Variants in CLYBL observed in about 807,000 individuals in gnomAD.
CLYBL encodes the protein citramalyl-CoA lyase, also known as citramalyl-CoA lyase, mitochondrial.
In CLYBL, 31 loss-of-function variants were observed where a neutral mutation model predicts 38.9. The ratio of observed to expected loss-of-function variants is 0.80; its 90% CI spans 0.60 to 1.08. CLYBL has a LOEUF of 1.08. Among genes scored for constraint, CLYBL ranks in the 50% least tolerant of loss-of-function variants. The pLI, the probability that CLYBL is intolerant of heterozygous loss-of-function variation, is 0.00. For synonymous variants in CLYBL, 171 were observed against 158.6 expected (o/e 1.08, Z -0.59); for missense variants, 434 against 411.6 (o/e 1.05, Z -0.47).
Position 99,871,111 on chromosome 13 carries a change from T to C in CLYBL, c.927+49T>C, listed in dbSNP as rs530097999. 8 of 1,600,388 alleles carry C rather than the reference T, an allele frequency of 5.0e-6. No homozygotes were observed. In the African/African-American group the frequency reaches 6.7e-5, roughly 13 times the overall value. On this transcript the variant is annotated intron_variant, in intron 7 of 8. Transcript: ENST00000339105. ...GGTGAGAGCAGTATTGAAAATATTGTCGGGAAGAATGAAACAAATATGTTG... is the reference window on the plus strand; with the variant it reads ...GGTGAGAGCAGTATTGAAAATATTGCCGGGAAGAATGAAACAAATATGTTG...
intron 1 of CLYBL, 126 bp downstream of exon 1, chr13:99,606,883 C>A: frequency 1.6e-6 from 2 of 1,265,426 alleles, no homozygotes; most frequent in South Asian, 2.8e-5. Flanking sequence ...ACGGAAGCAC[C>A]ATGCGCCTCC....
chr13:99,697,370 G>A (rs1048977664), intron 1 of CLYBL, among the ~76,000 whole-genome samples: 1 of 152,060 alleles, frequency 6.6e-6, no homozygotes, highest in Non-Finnish European at 1.5e-5. Context: ...TATCCCACAG[G>A]CTTTTTATTA....
intron 2 of CLYBL, among the ~76,000 whole-genome samples, chr13:99,801,882 G>T (rs1430843739): frequency 6.6e-6 from 1 of 152,160 alleles, no homozygotes; most frequent in Non-Finnish European, 1.5e-5. Flanking sequence ...CAGGCATGGT[G>T]GCGCATGCCT....
chr13:99,821,281 G>A lies in CLYBL; in HGVS notation c.250-37580G>A, dbSNP rs140245325. On this transcript the variant is annotated intron_variant, in intron 2 of 8. Transcript: ENST00000339105. ...GATGTCTATATTTATCGGTATCCTC[G>A]ACTTGGCTTTGAGCATCATAAGATC... Among the ~76,000 whole-genome samples the A allele has an allele frequency of 1.4e-3, 218 of 152,222 alleles. 2 individuals are homozygous for A. Among genetic ancestry groups the A allele is most frequent in the African/African-American group, 4.5e-3 (188 of 41,522 alleles).
chr13:99,785,871 C>T (rs1208343114), intron 2 of CLYBL, among the ~76,000 whole-genome samples: 2 of 152,156 alleles, frequency 1.3e-5, no homozygotes, highest in Admixed American at 1.3e-4. Context: ...GCTGGGATTA[C>T]AGGCGTGAGC....
At chr13:99,736,133 C>G (rs1451270838) in intron 1 of CLYBL, among the ~76,000 whole-genome samples, 1 of 148,606 alleles carries the variant, frequency 6.7e-6, no homozygotes, top group Non-Finnish European at 1.5e-5. Flanking sequence ...CAACCTCTGC[C>G]TCCCGAGTTC....
chr13:99,711,708 TTTTA>T (rs1409775260), intron 1 of CLYBL, among the ~76,000 whole-genome samples: 1 of 148,658 alleles, frequency 6.7e-6, no homozygotes, highest in Non-Finnish European at 1.5e-5. Context: ...ACGCAGCTTT[TTTTA>T]TTTTTTATTT....
intron 1 of CLYBL, among the ~76,000 whole-genome samples, chr13:99,771,801 T>G (rs2138789424): frequency 6.6e-6 from 1 of 152,348 alleles, no homozygotes; most frequent in Middle Eastern, 3.4e-3. Flanking sequence ...CTGCTGGTAC[T>G]CCTGCTACAC....
chr13:99,661,974 A>G (rs1289614838), intron 1 of CLYBL, among the ~76,000 whole-genome samples: 1 of 152,200 alleles, frequency 6.6e-6, no homozygotes, highest in Non-Finnish European at 1.5e-5. Context: ...ACTTTTGTGA[A>G]GAGAGAAGGC....
chr13:99,901,720 C>T (rs956665780), downstream of CLYBL, among the ~76,000 whole-genome samples: 5 of 149,438 alleles, frequency 3.3e-5, no homozygotes, highest in African/African-American at 1.2e-4. Context: ...AGTCCAGTGG[C>T]GCAATTTCAG....
At chr13:99,754,131 C>G (rs1022123498) in intron 1 of CLYBL, among the ~76,000 whole-genome samples, 6 of 138,110 alleles carry the variant, frequency 4.3e-5, no homozygotes, top group African/African-American at 1.6e-4. Context: ...AGGACTTGGC[C>G]GGGTGTGGTG....
In CLYBL at chr13:99,849,152, G is replaced by A. The variant is rs201850528; in HGVS notation, c.250-9709G>A. On this transcript the variant is annotated intron_variant, in intron 2 of 8. Coordinates refer to ENST00000339105, the MANE Select transcript of CLYBL (RefSeq NM_206808.5). This position sits in a 1 kb window ranked among gnomAD's most constrained non-coding sequence, Gnocchi z 4.9. ...GACTCCATCTCAAAAAAAGAAAAAA[G>A]AAAAAAAAAACACTATTGAGAAAGA... Among the ~76,000 whole-genome samples the A allele has an allele frequency of 5.4e-5, 8 of 148,812 alleles. No individual in the cohort carries two copies. The highest frequency in any genetic ancestry group is 7.4e-5 in the African/African-American group (3 of 40,382).
chr13:99,676,797 G>C (rs1316272671), intron 1 of CLYBL, among the ~76,000 whole-genome samples: 1 of 151,132 alleles, frequency 6.6e-6, no homozygotes, highest in East Asian at 1.9e-4. Context: ...TAGAGATGGG[G>C]TTTCTCCATG....
At chr13:99,764,817 A>G (rs2049235547) in intron 1 of CLYBL, among the ~76,000 whole-genome samples, 1 of 151,158 alleles carries the variant, frequency 6.6e-6, no homozygotes, top group Admixed American at 6.6e-5. Context: ...GTATCTGGGT[A>G]CTATAGGCAT....
Position 99,688,971 on chromosome 13 carries a change from T to C in CLYBL, c.62+82214T>C, listed in dbSNP as rs1031305611. ...AGTGGTACAGATGCACCTTTGGGAC[T>C]GAGGCCAAGGTGAAACCTGCGTTTT... On this transcript the variant is annotated intron_variant, in intron 1 of 8. Transcript: ENST00000339105. 3.3e-5 allele frequency among the ~76,000 whole-genome samples: 5 copies of C among 152,320 alleles called. No individual in the cohort carries two copies. In the East Asian group the frequency reaches 9.6e-4, roughly 29 times the overall value.
intron 1 of CLYBL, among the ~76,000 whole-genome samples, chr13:99,737,004 C>CT (rs1363151561): frequency 2.6e-5 from 4 of 152,004 alleles, no homozygotes; most frequent in African/African-American, 9.7e-5. Flanking sequence ...ATTTTTCTTT[C>CT]TTTTTTAGAT....
intron 2 of CLYBL, chr13:99,783,737 G>A (rs1213695848): frequency 6.6e-6 from 1 of 152,134 alleles, no homozygotes; most frequent in Non-Finnish European, 1.5e-5. Context: ...GAGCCACCGT[G>A]CCTGGCCATA....
intron 1 of CLYBL, 33 bp downstream of exon 1, chr13:99,606,790 GC>G (rs2046530597): frequency 2.2e-6 from 3 of 1,362,454 alleles, no homozygotes; most frequent in Middle Eastern, 2.7e-4. Context: ...CGCCTTCCCG[GC>G]CCGGCTCGCC....
intron 1 of CLYBL, among the ~76,000 whole-genome samples, chr13:99,725,902 G>A (rs548091659): frequency 3.9e-5 from 6 of 152,252 alleles, no homozygotes; most frequent in African/African-American, 1.2e-4. Flanking sequence ...CTGCACATGC[G>A]CACGAAGGCA....
Sources: gnomAD v4.1 joint callset for allele counts (sites outside exome capture counted in the v4.1 genomes callset) on GRCh38, gnomAD v4.1.1 for gene constraint, Gnocchi (gnomAD v3.1) non-coding constraint, MANE v1.5 for transcripts, NCBI Gene and HGNC (gene_info 2026-07-23, HGNC 2026-07-21) for gene names.